The following TNIK variants were observed in gnomAD, a reference collection of about 807,000 sequenced individuals.
TNIK encodes the protein TRAF2 and NCK-interacting protein kinase.
In TNIK, 49 loss-of-function variants were observed where a neutral mutation model predicts 191.3. The ratio of observed to expected loss-of-function variants is 0.26; its 90% CI spans 0.20 to 0.32. The LOEUF (loss-of-function observed/expected upper bound fraction) is 0.32, where lower values mean the gene tolerates loss of function less well. Among genes scored for constraint, TNIK ranks in the 10% least tolerant of loss-of-function variants. The probability of loss-of-function intolerance (pLI) is 1.00; values close to 1 mark genes in which losing one functional copy is unlikely to be tolerated. For missense variants in TNIK, 1,155 were observed against 1,702.3 expected, an observed-to-expected ratio of 0.68 and a Z score of 5.66; for synonymous variants, 594 against 600.9, an observed-to-expected ratio of 0.99 and a Z score of 0.17.
intron 1 of TNIK, among the ~76,000 whole-genome samples, chr3:171,431,727 T>C (rs1725418051): frequency 6.6e-6 from 1 of 152,226 alleles, no homozygotes; most frequent in Non-Finnish European, 1.5e-5. Context: ...ATTCCCATTT[T>C]ACAGATAGGA....
rs35890103 is a variant in TNIK, at chr3:171,380,029, G to GCACA, written c.58-10348_58-10345dup. Among the ~76,000 whole-genome samples the GCACA allele has an allele frequency of 5.0e-4, 59 of 117,204 alleles. 1 individual carries two copies. Among genetic ancestry groups the GCACA allele is most frequent in the African/African-American group, 1.5e-3 (49 of 31,710 alleles). 76.9% of individuals were successfully genotyped at this position (117,204 alleles called of 152,430 possible). On this transcript the variant is annotated intron_variant, in intron 1 of 32. Coordinates refer to ENST00000436636, the MANE Select transcript of TNIK (RefSeq NM_015028.4). ...GGTCAAAACACACACACACACACGC[G>GCACA]CACACACACACACACACACACACAC...
intron 1 of TNIK, among the ~76,000 whole-genome samples, chr3:171,421,879 G>T (rs571883304): frequency 2.0e-5 from 3 of 151,642 alleles, no homozygotes; most frequent in Admixed American, 1.3e-4. Flanking sequence ...CTACAGGTGC[G>T]TGACATCAAG....
chr3:171,223,660 C>A (rs919045981), intron 3 of TNIK, among the ~76,000 whole-genome samples: 7 of 152,248 alleles, frequency 4.6e-5, no homozygotes, highest in South Asian at 2.1e-4. Flanking sequence ...AATCATGGAA[C>A]CTGCTTGGTT....
At chr3:171,204,174 G>A (rs1739769761) in intron 4 of TNIK, among the ~76,000 whole-genome samples, 1 of 152,176 alleles carries the variant, frequency 6.6e-6, no homozygotes, top group Non-Finnish European at 1.5e-5. Context: ...TTGTTTCCGA[G>A]AGATCAGAAT....
At chr3:171,303,027 T>C (rs1753048295) in intron 2 of TNIK, among the ~76,000 whole-genome samples, 8 of 152,226 alleles carry the variant, frequency 5.3e-5, no homozygotes. Context: ...AATTACTTTA[T>C]ATAATAACAA....
At chr3:171,273,020 T>C (rs77883847) in intron 2 of TNIK, among the ~76,000 whole-genome samples, 2,898 of 152,332 alleles carry the variant, frequency 0.019, 98 homozygotes, top group African/African-American at 0.067. Flanking sequence ...GGTCAGGACA[T>C]CTGATGTATG....
At chr3:171,365,793 G>A (rs896130125) in intron 2 of TNIK, among the ~76,000 whole-genome samples, 5 of 152,140 alleles carry the variant, frequency 3.3e-5, no homozygotes, top group South Asian at 2.1e-4. Flanking sequence ...TAGCCACCAC[G>A]ACGGCCTCCC....
At chr3:171,068,064 T>C (rs1315562199) in intron 30 of TNIK, among the ~76,000 whole-genome samples, 2 of 152,228 alleles carry the variant, frequency 1.3e-5, no homozygotes, top group African/African-American at 2.4e-5. Flanking sequence ...CTCCTGTGTG[T>C]TAGTCTTGGG....
At chr3:171,146,956 T>C (rs1437935663) in intron 12 of TNIK, among the ~76,000 whole-genome samples, 1 of 151,804 alleles carries the variant, frequency 6.6e-6, no homozygotes, top group African/African-American at 2.4e-5. Context: ...GTAAGTCACC[T>C]TCAGCTAAAC....
At chr3:171,126,342 G>C (rs576617347) in intron 16 of TNIK, among the ~76,000 whole-genome samples, 191 bp from the exon 17 acceptor site, 9 of 152,160 alleles carry the variant, frequency 5.9e-5, no homozygotes, top group African/African-American at 1.9e-4. Flanking sequence ...CGATATGTAG[G>C]GTTGGCACAA....
At chr3:171,377,975 G>A (rs115392288) in intron 1 of TNIK, among the ~76,000 whole-genome samples, 1 of 152,162 alleles carries the variant, frequency 6.6e-6, no homozygotes, top group East Asian at 1.9e-4. Flanking sequence ...TTAACCTGGG[G>A]TTACGGGGAT....
intron 2 of TNIK, among the ~76,000 whole-genome samples, chr3:171,349,822 A>C (rs1354954615): frequency 6.6e-6 from 1 of 152,224 alleles, no homozygotes; most frequent in African/African-American, 2.4e-5. Flanking sequence ...TTGTGGAATA[A>C]GCAGCAGCCA....
chr3:171,212,359 G>T (rs1361794437), intron 3 of TNIK, among the ~76,000 whole-genome samples: 8 of 151,798 alleles, frequency 5.3e-5, no homozygotes, highest in Non-Finnish European at 7.4e-5. Context: ...CTCAGGCAAT[G>T]TCAAGTCCCC....
intron 4 of TNIK, among the ~76,000 whole-genome samples, chr3:171,201,595 T>G (rs966574112): frequency 1.3e-5 from 2 of 152,110 alleles, no homozygotes. Flanking sequence ...CTCAGTAACT[T>G]TGGTACAGAA....
intron 2 of TNIK, among the ~76,000 whole-genome samples, chr3:171,283,332 CT>C (rs1306905580): frequency 7.4e-6 from 1 of 134,594 alleles, no homozygotes; most frequent in African/African-American, 2.7e-5. Context: ...TCTTTTTTCT[CT>C]TTTGATGGGG....
intron 2 of TNIK, among the ~76,000 whole-genome samples, chr3:171,283,580 C>A (rs764947541): frequency 2.0e-5 from 3 of 152,202 alleles, no homozygotes; most frequent in Non-Finnish European, 4.4e-5. Context: ...TCCAACCTGG[C>A]TCCTGCCCCC....
At chr3:171,236,565 G>A (rs943920320) in intron 2 of TNIK, among the ~76,000 whole-genome samples, 1 of 152,168 alleles carries the variant, frequency 6.6e-6, no homozygotes, top group Admixed American at 6.5e-5. Flanking sequence ...AGGTCCAGAC[G>A]CTGCCCTGCC....
chr3:171,154,742 A>G lies in TNIK; in HGVS notation c.1221+2718T>C, dbSNP rs545486085. 7.9e-5 allele frequency among the ~76,000 whole-genome samples: 12 copies of G among 152,318 alleles called. No individual in the cohort carries two copies. The South Asian group carries it at 2.5e-3, about 32-fold the overall frequency. ...TAAAACTAGAAGAGGTCCTCCTTGT[A>G]CTTTTTCTCACCATTGATGGACTCA... On this transcript the variant is annotated intron_variant, in intron 12 of 32. Coordinates refer to ENST00000436636, the MANE Select transcript of TNIK (RefSeq NM_015028.4).
chr3:171,341,331 G>A (rs1048415190), intron 2 of TNIK, among the ~76,000 whole-genome samples: 2 of 151,706 alleles, frequency 1.3e-5, no homozygotes, highest in Non-Finnish European at 2.9e-5. Flanking sequence ...AAATTAGCCA[G>A]GTCTGGTGGC....
Sources: allele counts gnomAD v4.1 joint callset (sites outside exome capture counted in the v4.1 genomes callset), GRCh38; gene constraint gnomAD v4.1.1; transcripts MANE v1.5; gene names NCBI Gene and HGNC (gene_info 2026-07-23, HGNC 2026-07-21).